The following DDX3X variants were observed in gnomAD, a reference collection of about 807,000 sequenced individuals.
DDX3X encodes ATP-dependent RNA helicase DDX3X.
In DDX3X, 4 loss-of-function variants were observed where a neutral mutation model predicts 52.7. The ratio of observed to expected loss-of-function variants is 0.08; its 90% CI spans 0.04 to 0.17. The LOEUF (loss-of-function observed/expected upper bound fraction) is 0.17, where lower values mean the gene tolerates loss of function less well. DDX3X is among the 10% of genes least tolerant of loss of function. DDX3X has a pLI of 1.00. For synonymous variants in DDX3X, 192 were observed against 178.1 expected (o/e 1.08, Z -0.62); for missense variants, 222 against 548.6 (o/e 0.40, Z 5.95).
intron 5 of DDX3X, among the ~76,000 whole-genome samples, chrX:41,356,703 TCTG>T (rs1212452433): frequency 1.8e-5 from 2 of 109,787 alleles, no homozygotes; most frequent in East Asian, 2.9e-4. Flanking sequence ...CACCTTGTGA[TCTG>T]CCCGCCTCGG....
Position 41,348,882 on chromosome X carries a change from A to G in DDX3X, c.*1163A>G, listed in dbSNP as rs1339031638. ...CAAACTGAAATCTTTGAGATCACAC[A>G]GGTTGGAAATATGTACATAACTGCA... On this transcript the variant is annotated 3_prime_UTR_variant, in exon 17 of 17. Transcript: ENST00000644876. 8.9e-6 allele frequency: 1 copy of G among 112,798 alleles called. No individual in the cohort carries two copies. The highest frequency in any genetic ancestry group is 1.9e-5 in the Non-Finnish European group (1 of 53,329). The allele number at this position is 112,798 out of a possible 1,213,427, so 9.3% of individuals were successfully genotyped here.
At chrX:41,360,318 C>T (rs1174842516) in intron 5 of DDX3X, among the ~76,000 whole-genome samples, 1 of 106,160 alleles carries the variant, frequency 9.4e-6, no homozygotes, top group East Asian at 3.0e-4. Flanking sequence ...GCAGAAGTTG[C>T]GGTGAGCTGA....
chrX:41,347,276 A>T (rs777915778), intron 15 of DDX3X, 36 bp from the exon 16 acceptor site: 2 of 1,181,030 alleles, frequency 1.7e-6, no homozygotes, highest in Admixed American at 4.8e-5. Flanking sequence ...GTGGAATTTC[A>T]TCTTCATGTG....
chrX:41,361,859 G>A (rs1232662687), intron 5 of DDX3X, among the ~76,000 whole-genome samples: 1 of 111,619 alleles, frequency 9.0e-6, no homozygotes, highest in Non-Finnish European at 1.9e-5. Context: ...ATGGTGGATA[G>A]CAAGAGATAC....
chrX:41,335,414 T>C (rs1400197032), intron 1 of DDX3X: 1 of 107,795 alleles, frequency 9.3e-6, no homozygotes, highest in African/African-American at 3.3e-5. Flanking sequence ...CCCGGGTTTT[T>C]TCTCTTAGCC....
intron 4 of DDX3X, 28 bp downstream of exon 4, chrX:41,341,644 G>A (rs748658952): frequency 1.2e-5 from 14 of 1,189,907 alleles, no homozygotes; most frequent in Non-Finnish European, 1.6e-5. Context: ...CACCTTACGT[G>A]TATGTATAAT....
At chrX:41,339,172 G>A in intron 3 of DDX3X, 89 bp downstream of exon 3, 1 of 437,821 alleles carries the variant, frequency 2.3e-6, no homozygotes. Flanking sequence ...TTTGGGGGAG[G>A]TCTAAACATG....
downstream of DDX3X, among the ~76,000 whole-genome samples, chrX:41,353,067 T>C (rs1320083516): frequency 8.9e-6 from 1 of 111,779 alleles, no homozygotes; most frequent in African/African-American, 3.2e-5. Flanking sequence ...AATGTCATGC[T>C]ACTGTCTATG....
At chrX:41,333,878 G>A (rs190178265), upstream of DDX3X, 21 of 159,357 alleles carry the variant, frequency 1.3e-4, no homozygotes, top group South Asian at 4.3e-4. Context: ...GCGAGATCTC[G>A]AGAACTCCGA....
rs2063908242 is a variant in DDX3X, at chrX:41,345,243, A to G, written c.1089A>G (p.Arg363=). The G allele has an allele frequency of 2.5e-6, 3 of 1,208,730 alleles. No homozygotes were observed. Among genetic ancestry groups the G allele is most frequent in the Non-Finnish European group, 3.4e-6 (3 of 894,251 alleles). The part of the protein sequence containing the change: ...LDMGFEPQIR[R]IVEQDTMPPK... The stretch of plus-strand genomic sequence containing the variant: ...TGGGGTTTGAGCCTCAGATTCGTAG[A>G]ATAGTCGAACAAGATACTATGCCTC... Residue 363 remains arginine, a synonymous_variant, in exon 11 of 17, where the codon AGA becomes AGG. Coordinates refer to ENST00000644876, the MANE Select transcript of DDX3X (RefSeq NM_001356.5).
At chrX:41,341,062 T>G (rs1602126031) in intron 3 of DDX3X, 1 of 197,264 alleles carries the variant, frequency 5.1e-6, no homozygotes, top group Non-Finnish European at 9.3e-6. Context: ...CTTGGCTCAC[T>G]GCAACCTCAG....
In DDX3X at chrX:41,345,401, C is replaced by T. The variant is rs777500717; in HGVS notation, c.1171-3C>T. ...GTAATAATAAAAATTTTTTTTCTTT[C>T]AGATGCTGGCTCGTGATTTCTTAGA... is the stretch of plus-strand genomic sequence containing the variant. On this transcript the variant is annotated splice_region_variant and splice_polypyrimidine_tract_variant and intron_variant, in intron 11 of 16. Coordinates refer to ENST00000644876, the MANE Select transcript of DDX3X (RefSeq NM_001356.5). 3.3e-6 allele frequency: 4 copies of T among 1,196,795 alleles called. No homozygotes were observed. The highest frequency in any genetic ancestry group is 4.5e-6 in the Non-Finnish European group (4 of 891,108).
rs2063911787 is a variant in DDX3X, at chrX:41,345,547, A to G, written c.1314A>G (p.Thr438=). The G allele has an allele frequency of 6.7e-6, 8 of 1,193,362 alleles. No homozygotes were observed. Among genetic ancestry groups the G allele is most frequent in the Non-Finnish European group, 9.0e-6 (8 of 886,637 alleles). Residue 438 remains threonine (T), a splice_region_variant and synonymous_variant, in exon 12 of 17, where the codon ACA becomes ACG. Coordinates refer to ENST00000644876, the MANE Select transcript of DDX3X (RefSeq NM_001356.5). ...TTCTGCTTGACCTCCTAAATGCAAC[A>G]GGTAACATTATGAATTTTTTATTTT... The part of the protein sequence containing the change: ...RSFLLDLLNA[T]GKDSLTLVFV...
At chrX:41,347,149 T>C (rs1011918065) in intron 15 of DDX3X, 137 bp downstream of exon 15, 55 of 908,057 alleles carry the variant, frequency 6.1e-5, no homozygotes, top group Non-Finnish European at 8.1e-5. Context: ...CTAGATTCTT[T>C]GGTAAGGGGT....
At position 41,344,183 on chromosome X, in the gene DDX3X, T is replaced by G. The variant is rs986153207; in HGVS notation, c.864+55T>G. 3 of 1,190,584 alleles carry G rather than the reference T, an allele frequency of 2.5e-6. No individual in the cohort carries two copies. The African/African-American group carries it at 5.3e-5, about 21-fold the overall frequency. ...TTTTCATTGATTCTAATTAAATGTT[T>G]TATGAACATGTAAAAATTTTGACCT... On this transcript the variant is annotated intron_variant, in intron 9 of 16. Coordinates refer to ENST00000644876, the MANE Select transcript of DDX3X (RefSeq NM_001356.5).
intron 12 of DDX3X, 66 bp downstream of exon 12, chrX:41,345,614 C>T (rs2063913197): frequency 1.1e-6 from 1 of 948,313 alleles, no homozygotes; most frequent in African/African-American, 2.0e-5. Flanking sequence ...GGCTGGAGTG[C>T]AGGGGTTATT....
chrX:41,339,116 T>C, intron 3 of DDX3X, 33 bp downstream of exon 3: 1 of 930,140 alleles, frequency 1.1e-6, no homozygotes, highest in Non-Finnish European at 1.4e-6. Flanking sequence ...GTAGGTCTAT[T>C]TTTTGCCTCC....
downstream of DDX3X, among the ~76,000 whole-genome samples, chrX:41,353,403 G>A (rs1443230694): frequency 9.2e-6 from 1 of 109,060 alleles, no homozygotes; most frequent in Admixed American, 9.9e-5. Flanking sequence ...AGGAGGCAGA[G>A]CTTGCAGTGA....
chrX:41,340,893 A>G, intron 3 of DDX3X: 1 of 294,272 alleles, frequency 3.4e-6, no homozygotes, highest in Non-Finnish European at 5.9e-6. Flanking sequence ...ACAACGTCAT[A>G]ATGCGTTACA....
Sources: allele counts gnomAD v4.1 joint callset (sites outside exome capture counted in the v4.1 genomes callset), GRCh38; gene constraint gnomAD v4.1.1; transcripts MANE v1.5; gene names NCBI Gene and HGNC (gene_info 2026-07-23, HGNC 2026-07-21).